PIEZO2: variants seen among roughly 807,000 people sequenced by gnomAD.
PIEZO2 encodes piezo type mechanosensitive ion channel component 2.
Under a neutral mutation model 337.3 loss-of-function variants are expected in PIEZO2, and 172 were observed. The observed-to-expected ratio is 0.51, with a 90% CI of 0.45 to 0.58. PIEZO2 has a LOEUF of 0.58. Among genes scored for constraint, PIEZO2 ranks in the 20% least tolerant of loss-of-function variants. PIEZO2 has a pLI of 0.00. For missense variants in PIEZO2, 3,028 were observed against 3,391.3 expected, an observed-to-expected ratio of 0.89 and a Z score of 2.66; for synonymous variants, 1,251 against 1,228.5, an observed-to-expected ratio of 1.02 and a Z score of -0.38.
At position 10,677,726 on chromosome 18, in the gene PIEZO2, A is replaced by G. The variant is rs2034073564; in HGVS notation, c.8081+21T>C. 2.5e-6 allele frequency: 4 copies of G among 1,604,898 alleles called. No homozygotes were observed. The highest frequency in any genetic ancestry group is 1.3e-5 in the African/African-American group (1 of 74,310). ...TGCATATACCTAACAAAGCTCTATT[A>G]GTAGGAAAAAATACACTTACACTGG... On this transcript the variant is annotated intron_variant, in intron 53 of 55. Coordinates refer to ENST00000674853, the MANE Select transcript of PIEZO2 (RefSeq NM_001378183.1). The surrounding 1 kb of genome is among the most constrained non-coding windows in gnomAD (Gnocchi z 4.1).
intron 34 of PIEZO2, among the ~76,000 whole-genome samples, chr18:10,736,327 C>G (rs137982844): frequency 6.6e-6 from 1 of 152,098 alleles, no homozygotes; most frequent in African/African-American, 2.4e-5. Context: ...GTTCACCCAA[C>G]GAAGCTTTAT....
chr18:10,937,095 T>C (rs1394343492), intron 3 of PIEZO2, among the ~76,000 whole-genome samples: 3 of 152,200 alleles, frequency 2.0e-5, no homozygotes, highest in Admixed American at 1.3e-4. Context: ...ATTTAGTTTA[T>C]GAAGAGTAAA....
chr18:11,093,497 C>T (rs1453207965), intron 1 of PIEZO2, among the ~76,000 whole-genome samples: 1 of 148,702 alleles, frequency 6.7e-6, no homozygotes, highest in Non-Finnish European at 1.5e-5. Context: ...CTACACTGTT[C>T]TACAAATTTT....
intron 4 of PIEZO2, among the ~76,000 whole-genome samples, chr18:10,876,411 C>T (rs1295791240): frequency 6.6e-6 from 1 of 152,186 alleles, no homozygotes; most frequent in East Asian, 1.9e-4. Context: ...TTGGGAAGTG[C>T]TGGGCTACAG....
At chr18:10,906,762 T>C (rs187399019) in intron 4 of PIEZO2, among the ~76,000 whole-genome samples, 301 of 152,174 alleles carry the variant, frequency 2.0e-3, no homozygotes, top group Admixed American at 3.2e-3. Flanking sequence ...GGTTTCACCA[T>C]GTTGCCCAGG....
intron 47 of PIEZO2, among the ~76,000 whole-genome samples, chr18:10,691,782 C>CACACATATAT: frequency 1.0e-5 from 1 of 96,642 alleles, no homozygotes; most frequent in African/African-American, 4.7e-5. Flanking sequence ...CACACACACA[C>CACACATATAT]ATATATATAT....
At chr18:10,685,150 T>C (rs146166410) in intron 49 of PIEZO2, among the ~76,000 whole-genome samples, 227 of 152,322 alleles carry the variant, frequency 1.5e-3, no homozygotes, top group African/African-American at 5.1e-3. Context: ...TAAAGTGTGT[T>C]TGTAAAGCCC....
intron 13 of PIEZO2, among the ~76,000 whole-genome samples, chr18:10,793,836 A>G (rs1367936600): frequency 6.6e-6 from 1 of 152,268 alleles, no homozygotes; most frequent in African/African-American, 2.4e-5. Flanking sequence ...CACCTCTGTC[A>G]CTAGAATTCA....
chr18:11,071,484 CT>C (rs2038337441), intron 1 of PIEZO2, among the ~76,000 whole-genome samples: 1 of 152,198 alleles, frequency 6.6e-6, no homozygotes, highest in South Asian at 2.1e-4. Context: ...TGTACCCTGC[CT>C]TTGGGAGCTG....
chr18:10,691,445 A>C, intron 47 of PIEZO2, 62 bp from the exon 48 acceptor site: 4 of 1,530,880 alleles, frequency 2.6e-6, no homozygotes, highest in Non-Finnish European at 3.6e-6. Context: ...AAAGGATGGC[A>C]GTGTCAAATT....
At position 10,979,633 on chromosome 18, in the gene PIEZO2, A is replaced by G; in HGVS notation, c.188T>C (p.Leu63Pro). Residue 63 changes from leucine (L) to proline (P), a missense_variant, in exon 3 of 56, where the codon CTG (leucine) becomes CCG (proline). Coordinates refer to ENST00000674853, the MANE Select transcript of PIEZO2 (RefSeq NM_001378183.1). This position sits in a 1 kb window ranked among gnomAD's most constrained non-coding sequence, Gnocchi z 4.0. ...QGHTGRLLKSLCFISLSFLLL... is the reference protein window; with the variant it reads ...QGHTGRLLKSPCFISLSFLLL... ...CAGGAAGGAAAGACTGATGAAGCAC[A>G]GAGACTTTAATAACCGTCCCGTATG... The G allele has an allele frequency of 2.0e-6, 3 of 1,535,732 alleles. No individual in the cohort carries two copies. Among genetic ancestry groups the G allele is most frequent in the Non-Finnish European group, 2.6e-6 (3 of 1,145,798 alleles).
rs2034063238 is a variant in PIEZO2, at chr18:10,677,484, C to G, written c.8081+263G>C. The G allele has an allele frequency of 2.9e-6, 1 of 340,098 alleles. No individual in the cohort carries two copies. The highest frequency in any genetic ancestry group is 4.9e-5 in the Admixed American group (1 of 20,262). The allele number at this position is 340,098 out of a possible 1,614,324, so 21.1% of individuals were successfully genotyped here. A position where few individuals can be genotyped will look rare whatever the true frequency, so the allele number is the denominator to read the frequency against. On this transcript the variant is annotated intron_variant, in intron 53 of 55. Coordinates refer to ENST00000674853, the MANE Select transcript of PIEZO2 (RefSeq NM_001378183.1). The surrounding 1 kb of genome is among the most constrained non-coding windows in gnomAD (Gnocchi z 4.1). ...CCACCTGTCTCAGCCTCCCAACATG[C>G]TGGGATTACAGGCATGAGCCACCAT...
chr18:11,019,688 C>T (rs1325166210), intron 2 of PIEZO2, among the ~76,000 whole-genome samples: 1 of 152,142 alleles, frequency 6.6e-6, no homozygotes, highest in Non-Finnish European at 1.5e-5. Flanking sequence ...GGACAGAGTG[C>T]ACTTACCCCC....
rs1481722264 is a variant in PIEZO2 at position 10,872,481 on chromosome 18, A to G, written c.330-1066T>C. The stretch of plus-strand genomic sequence containing the variant: ...TTGCCAGCATAGTTGGCCAGCACAC[A>G]TCACCTCAGCTGAAATGTGTTCTGG... On this transcript the variant is annotated intron_variant, in intron 4 of 55. Coordinates refer to ENST00000674853, the MANE Select transcript of PIEZO2 (RefSeq NM_001378183.1). This position sits in a 1 kb window ranked among gnomAD's most constrained non-coding sequence, Gnocchi z 4.3. Among the ~76,000 whole-genome samples the G allele has an allele frequency of 6.6e-6, 1 of 152,190 alleles. No individual in the cohort carries two copies. Among genetic ancestry groups the G allele is most frequent in the East Asian group, 1.9e-4 (1 of 5,188 alleles).
intron 1 of PIEZO2, among the ~76,000 whole-genome samples, chr18:11,089,598 G>A (rs1205538036): frequency 6.6e-6 from 1 of 152,136 alleles, no homozygotes; most frequent in Non-Finnish European, 1.5e-5. Context: ...AACACTGTGT[G>A]GTAGGCACGC....
At chr18:10,763,298 G>C in intron 21 of PIEZO2, 200 bp from the exon 22 acceptor site, 3 of 587,508 alleles carry the variant, frequency 5.1e-6, no homozygotes, top group Non-Finnish European at 9.0e-6. Context: ...ATTATGTCTT[G>C]TATGGCAGAC....
In PIEZO2 at chr18:10,726,536, T is replaced by G. The variant is rs2036549883; in HGVS notation, c.5029+4871A>C. On this transcript the variant is annotated intron_variant, in intron 36 of 55. Transcript: ENST00000674853. This position sits in a 1 kb window ranked among gnomAD's most constrained non-coding sequence, Gnocchi z 5.9. ...CCTGTGGCGCGCTGCGCTGCTCTGC[T>G]CTGCTACACCAGCCGCCACGCTGTG... The G allele has an allele frequency of 1.4e-6, 2 of 1,442,992 alleles. No homozygotes were observed. The highest frequency in any genetic ancestry group is 1.8e-6 in the Non-Finnish European group (2 of 1,091,048). 89.4% of individuals were successfully genotyped at this position (1,442,992 alleles called of 1,614,324 possible). A position where few individuals can be genotyped will look rare whatever the true frequency, so the allele number is the denominator to read the frequency against.
intron 7 of PIEZO2, among the ~76,000 whole-genome samples, chr18:10,817,068 A>G (rs967486892): frequency 6.6e-6 from 1 of 152,188 alleles, no homozygotes; most frequent in Non-Finnish European, 1.5e-5. Flanking sequence ...CTGAATGAAA[A>G]TCTGCATTCC....
chr18:11,029,637 C>T (rs1010270847), intron 2 of PIEZO2, among the ~76,000 whole-genome samples: 3 of 152,248 alleles, frequency 2.0e-5, no homozygotes, highest in Non-Finnish European at 4.4e-5. Context: ...TTCTCAGCCT[C>T]TGTCTGCTGG....
Sources: gnomAD v4.1 joint callset for allele counts (sites outside exome capture counted in the v4.1 genomes callset) on GRCh38, gnomAD v4.1.1 for gene constraint, Gnocchi (gnomAD v3.1) non-coding constraint, MANE v1.5 for transcripts, NCBI Gene and HGNC (gene_info 2026-07-23, HGNC 2026-07-21) for gene names.